The following FRY variants were observed in gnomAD, a reference collection of about 807,000 sequenced individuals.
FRY encodes the protein protein furry homolog.
Under a neutral mutation model 348.4 loss-of-function variants are expected in FRY, and 128 were observed. That is an observed-to-expected ratio of 0.37 (90% CI 0.32 to 0.43). The LOEUF is 0.43. Ranked by LOEUF, FRY falls within the 20% of genes least tolerant of loss-of-function variation. The pLI, the probability that FRY is intolerant of heterozygous loss-of-function variation, is 1.00. For synonymous variants in FRY, 1,370 were observed against 1,374.7 expected (o/e 1.00, Z 0.08); for missense variants, 2,736 against 3,695.2 (o/e 0.74, Z 6.73).
At chr13:32,262,559 G>A (rs997177078) in intron 53 of FRY, 84 bp downstream of exon 53, 5 of 1,014,176 alleles carry the variant, frequency 4.9e-6, no homozygotes, top group Non-Finnish European at 1.6e-6. Flanking sequence ...GAATTCTTAA[G>A]GGGTCTCAAG....
chr13:32,046,902 G>GT (rs1204031663), intron 1 of FRY, among the ~76,000 whole-genome samples: 1 of 152,128 alleles, frequency 6.6e-6, no homozygotes, highest in African/African-American at 2.4e-5. Context: ...CTAAACAAGA[G>GT]TTTTTTCTGT....
At chr13:32,231,094 T>C in intron 40 of FRY, 85 bp from the exon 41 acceptor site, 1 of 1,160,914 alleles carries the variant, frequency 8.6e-7, no homozygotes, top group Non-Finnish European at 1.3e-6. Context: ...AAATATGTTA[T>C]ATGTTTGGAG....
intron 1 of FRY, among the ~76,000 whole-genome samples, chr13:32,073,093 G>A (rs1333430539): frequency 6.6e-6 from 1 of 152,190 alleles, no homozygotes; most frequent in Non-Finnish European, 1.5e-5. Context: ...AGCAGTAAAA[G>A]CAATGAGTGT....
chr13:32,107,721 A>G (rs534613373), intron 3 of FRY, among the ~76,000 whole-genome samples: 1 of 152,314 alleles, frequency 6.6e-6, no homozygotes, highest in African/African-American at 2.4e-5. Flanking sequence ...TAAGTAAGCT[A>G]AAGCGGGTGT....
At chr13:32,066,026 AC>A (rs1190379954) in intron 1 of FRY, among the ~76,000 whole-genome samples, 2 of 152,220 alleles carry the variant, frequency 1.3e-5, no homozygotes, top group Admixed American at 6.5e-5. Context: ...TACTATTATC[AC>A]ATCTAATAAA....
intron 1 of FRY, among the ~76,000 whole-genome samples, chr13:32,050,222 T>C (rs1255134901): frequency 1.3e-5 from 2 of 152,254 alleles, no homozygotes; most frequent in African/African-American, 4.8e-5. Context: ...GGATACTGCA[T>C]AGCTTGTTGG....
At chr13:32,279,390 A>G (rs1166413791) in intron 58 of FRY, among the ~76,000 whole-genome samples, 2 of 152,256 alleles carry the variant, frequency 1.3e-5, no homozygotes, top group Admixed American at 6.5e-5. Context: ...AGGAGAGCCC[A>G]TGTGGCTGAA....
Position 32,295,012 on chromosome 13 carries a change from G to A in FRY, c.8784-190G>A, listed in dbSNP as rs115805707. Among the ~76,000 whole-genome samples, 807 of 152,228 alleles carry A rather than the reference G, an allele frequency of 5.3e-3. 9 individuals are homozygous for A. Among genetic ancestry groups the A allele is most frequent in the African/African-American group, 0.019 (769 of 41,532 alleles). On this transcript the variant is annotated intron_variant, in intron 60 of 60. Transcript: ENST00000542859. The stretch of plus-strand genomic sequence containing the variant: ...ATATTCTAAAATTGATTATGGTGAT[G>A]TTTGCACAACTCTGAAGATACTAAA...
Position 32,254,262 on chromosome 13 carries a change from G to C in FRY, c.7284G>C (p.Glu2428Asp). ...CGTGTGGGGATCTGGATCTGCTTGAGCACCAGACAAGCTTGGTATCTTCTG... is the reference window on the plus strand; with the variant it reads ...CGTGTGGGGATCTGGATCTGCTTGACCACCAGACAAGCTTGGTATCTTCTG... ...FSSCGDLDLL[E>D]HQTSLVSSED... is the part of the protein sequence containing the mutation. Residue 2428 changes from glutamate to aspartate, a missense_variant, in exon 51 of 61, where the codon GAG (glutamate) becomes GAC (aspartate). Physicochemically the swap from Glu to Asp is conservative, Grantham distance 45 (BLOSUM62 2). This residue lies in a region of FRY where 789 missense variants were observed against 996.2 expected (regional missense o/e 0.79). Coordinates refer to ENST00000542859, the MANE Select transcript of FRY (RefSeq NM_023037.3). 1 of 1,614,048 alleles carries C rather than the reference G, an allele frequency of 6.2e-7. No individual in the cohort carries two copies. The highest frequency in any genetic ancestry group is 8.5e-7 in the Non-Finnish European group (1 of 1,179,978).
rs1184568967 is a variant in FRY at position 32,167,714 on chromosome 13, T to C, written c.1893-3298T>C. ...CTGCAATTCCTGGTTACTAAACTAT[T>C]ACCTGTCCTAAAAACGGTGGCTTGT... is the stretch of plus-strand genomic sequence containing the variant. On this transcript the variant is annotated intron_variant, in intron 17 of 60. Transcript: ENST00000542859. Among the ~76,000 whole-genome samples the C allele has an allele frequency of 2.0e-5, 3 of 152,252 alleles. No individual in the cohort carries two copies. In the East Asian group the frequency reaches 5.8e-4, roughly 29 times the overall value.
chr13:32,194,459 G>T (rs758832207), intron 29 of FRY, among the ~76,000 whole-genome samples, 162 bp downstream of exon 29: 1 of 152,218 alleles, frequency 6.6e-6, no homozygotes, highest in African/African-American at 2.4e-5. Flanking sequence ...TCCCTGTAAG[G>T]TTGCAGTTCC....
Position 32,239,482 on chromosome 13 carries a change from A to C in FRY, c.6516+133A>C. 1.4e-6 allele frequency: 1 copy of C among 738,388 alleles called. No homozygotes were observed. The allele number at this position is 738,388 out of a possible 1,614,324, so 45.7% of individuals were successfully genotyped here. Reference sequence around the variant, plus strand: ...GGAAATAATAACTAATATCACAGTAATGGAAATATAGGGGTGGCTGATGCA... The same window carrying C: ...GGAAATAATAACTAATATCACAGTACTGGAAATATAGGGGTGGCTGATGCA... On this transcript the variant is annotated intron_variant, in intron 45 of 60. Transcript: ENST00000542859. The surrounding 1 kb of genome is among the most constrained non-coding windows in gnomAD (Gnocchi z 4.3).
At chr13:32,108,236 A>T (rs961280771) in intron 3 of FRY, among the ~76,000 whole-genome samples, 2 of 152,182 alleles carry the variant, frequency 1.3e-5, no homozygotes, top group Admixed American at 6.5e-5. Flanking sequence ...GACAGAAGAC[A>T]CATGCCTCAG....
intron 41 of FRY, among the ~76,000 whole-genome samples, chr13:32,234,122 A>C (rs78221523): frequency 8.1e-5 from 12 of 148,226 alleles, no homozygotes; most frequent in Non-Finnish European, 1.5e-5. Flanking sequence ...CTGTTTCCAA[A>C]AAAAAAAAAA....
Position 32,225,855 on chromosome 13 carries a change from C to T in FRY, c.5087C>T (p.Ala1696Val). The change falls in exon 39 of 61, where the codon GCC becomes GTC. Residue 1696 changes from alanine to valine, a missense_variant. Ala to Val is a moderately conservative substitution (Grantham distance 64). Transcript: ENST00000542859. ...AAACTGCTTCTTCACCTCTTGATTG[C>T]CCTCTCTTGCAACAGCAATTTCCAT... ...SKKLLLHLLI[A>V]LSCNSNFHSI... is the part of the protein sequence containing the mutation. The T allele has an allele frequency of 2.5e-6, 4 of 1,613,974 alleles. No individual in the cohort carries two copies. The highest frequency in any genetic ancestry group is 2.5e-6 in the Non-Finnish European group (3 of 1,179,836).
chr13:32,062,225 A>G (rs1321931672), intron 1 of FRY, among the ~76,000 whole-genome samples: 1 of 151,806 alleles, frequency 6.6e-6, no homozygotes, highest in Non-Finnish European at 1.5e-5. Context: ...TACAAGATAA[A>G]TGATTAAATT....
chr13:32,254,299 C>T lies in FRY; in HGVS notation c.7321C>T (p.Arg2441Ter). The change falls in exon 51 of 61, where the codon CGA becomes TGA. Residue 2441 changes from arginine to a stop codon, truncating the protein, a stop_gained. Coordinates refer to ENST00000542859, the MANE Select transcript of FRY (RefSeq NM_023037.3). LOFTEE classifies it high-confidence loss of function. ...CTTGGTATCTTCTGAGGACGGTGCC[C>T]GAGAGCAGGAGAACATGGATGACAC... ...TSLVSSEDGA[R>*]EQENMDDTNS... is the part of the protein sequence containing the mutation. 1 of 1,613,866 alleles carries T rather than the reference C, an allele frequency of 6.2e-7. No individual in the cohort carries two copies. The highest frequency in any genetic ancestry group is 8.5e-7 in the Non-Finnish European group (1 of 1,179,956).
At chr13:32,246,706 T>TGA (rs1886824521) in intron 47 of FRY, among the ~76,000 whole-genome samples, 1 of 152,096 alleles carries the variant, frequency 6.6e-6, no homozygotes, top group African/African-American at 2.4e-5. Context: ...AAGGGGCCAT[T>TGA]GAGATAGTCC....
At chr13:32,293,356 C>A (rs957393571) in intron 59 of FRY, among the ~76,000 whole-genome samples, 4 of 152,108 alleles carry the variant, frequency 2.6e-5, no homozygotes, top group Non-Finnish European at 5.9e-5. Flanking sequence ...AAATTTTAAA[C>A]CTACTTCTGT....
Sources: allele counts gnomAD v4.1 joint callset (sites outside exome capture counted in the v4.1 genomes callset), GRCh38; gene constraint gnomAD v4.1.1; regional missense constraint gnomAD v4.1.1; non-coding constraint Gnocchi (gnomAD v3.1); transcripts MANE v1.5; gene names NCBI Gene and HGNC (gene_info 2026-07-23, HGNC 2026-07-21).